Variants in MGAT4C observed in about 807,000 individuals in gnomAD.
MGAT4C encodes MGAT4 family member C, also known as alpha-1,3-mannosyl-glycoprotein 4-beta-N-acetylglucosaminyltransferase C.
Under a neutral mutation model 40.1 loss-of-function variants are expected in MGAT4C, and 19 were observed. That is an observed-to-expected ratio of 0.47 (90% CI 0.33 to 0.70). The LOEUF is 0.70. Ranked by LOEUF, MGAT4C falls within the 30% of genes least tolerant of loss-of-function variation. The pLI, the probability that MGAT4C is intolerant of heterozygous loss-of-function variation, is 0.02. For synonymous variants in MGAT4C, 181 were observed against 187.1 expected, an observed-to-expected ratio of 0.97 and a Z score of 0.27; for missense variants, 491 against 563.2, an observed-to-expected ratio of 0.87 and a Z score of 1.30.
intron 1 of MGAT4C, among the ~76,000 whole-genome samples, chr12:86,178,398 C>G (rs1318077011): frequency 6.6e-6 from 1 of 152,134 alleles, no homozygotes; most frequent in East Asian, 1.9e-4. Context: ...TGTTCCTTGA[C>G]CGAGGGCATG....
intron 4 of MGAT4C, among the ~76,000 whole-genome samples, chr12:86,283,758 T>C (rs766356836): frequency 6.6e-6 from 1 of 152,096 alleles, no homozygotes; most frequent in Non-Finnish European, 1.5e-5. Context: ...AAATGACACC[T>C]GGCTACATCT....
chr12:86,834,975 T>G (rs879452432), intron 1 of MGAT4C, among the ~76,000 whole-genome samples: 4 of 151,984 alleles, frequency 2.6e-5, no homozygotes, highest in Non-Finnish European at 5.9e-5. Flanking sequence ...GGCTCCCTTT[T>G]GTACACAGAT....
At chr12:86,267,700 C>T (rs147168046) in intron 4 of MGAT4C, among the ~76,000 whole-genome samples, 4 of 152,118 alleles carry the variant, frequency 2.6e-5, no homozygotes, top group African/African-American at 9.6e-5. Context: ...TCAGTACAAG[C>T]TAGTAAGTAG....
intron 3 of MGAT4C, among the ~76,000 whole-genome samples, chr12:86,422,301 G>A (rs894366924): frequency 6.6e-6 from 1 of 152,136 alleles, no homozygotes; most frequent in African/African-American, 2.4e-5. Context: ...TATAGCCGCT[G>A]TTCAAAACCT....
intron 3 of MGAT4C, among the ~76,000 whole-genome samples, chr12:86,336,793 AT>A (rs1251428050): frequency 6.6e-6 from 1 of 152,156 alleles, no homozygotes; most frequent in East Asian, 1.9e-4. Flanking sequence ...GTGTCAGGAA[AT>A]GAGGCTAAAA....
intron 3 of MGAT4C, among the ~76,000 whole-genome samples, chr12:86,400,155 C>T (rs899325414): frequency 5.3e-5 from 8 of 152,174 alleles, no homozygotes; most frequent in Non-Finnish European, 8.8e-5. Context: ...TAGGTGAGGG[C>T]GAAACTCCCC....
intron 1 of MGAT4C, among the ~76,000 whole-genome samples, chr12:86,140,900 T>G (rs1358204433): frequency 6.6e-6 from 1 of 152,210 alleles, no homozygotes; most frequent in African/African-American, 2.4e-5. Context: ...CATAGTTATG[T>G]TATTGTTTTA....
At chr12:86,213,517 T>C (rs544524864) in intron 1 of MGAT4C, among the ~76,000 whole-genome samples, 1 of 152,316 alleles carries the variant, frequency 6.6e-6, no homozygotes, top group South Asian at 2.1e-4. Flanking sequence ...TCATATTTAT[T>C]CACTAATATA....
At chr12:86,826,381 G>C (rs960005029) in intron 1 of MGAT4C, among the ~76,000 whole-genome samples, 1 of 151,336 alleles carries the variant, frequency 6.6e-6, no homozygotes, top group Non-Finnish European at 1.5e-5. Context: ...ATAAAAACTG[G>C]CTGCAATTGA....
chr12:86,826,736 A>T (rs1431542596), intron 1 of MGAT4C, among the ~76,000 whole-genome samples: 1 of 151,334 alleles, frequency 6.6e-6, no homozygotes, highest in Non-Finnish European at 1.5e-5. Flanking sequence ...CCAATATGTT[A>T]TAGCACTCTT....
At chr12:86,086,083 A>G (rs1871769938) in intron 1 of MGAT4C, among the ~76,000 whole-genome samples, 1 of 152,108 alleles carries the variant, frequency 6.6e-6, no homozygotes, top group Admixed American at 6.6e-5. Flanking sequence ...ATAAAGACGC[A>G]TGTACAAGTA....
intron 4 of MGAT4C, among the ~76,000 whole-genome samples, chr12:86,277,438 C>T (rs1262634426): frequency 6.6e-6 from 1 of 152,118 alleles, no homozygotes; most frequent in Non-Finnish European, 1.5e-5. Flanking sequence ...ATTGCCTGTG[C>T]TTGTGGGGCA....
intron 2 of MGAT4C, among the ~76,000 whole-genome samples, chr12:86,723,120 A>T (rs956111083): frequency 4.6e-5 from 7 of 152,216 alleles, no homozygotes; most frequent in Non-Finnish European, 8.8e-5. Flanking sequence ...CAATTGACTA[A>T]CAACATTGTC....
intron 2 of MGAT4C, among the ~76,000 whole-genome samples, chr12:86,511,480 G>A (rs375537577): frequency 1.4e-4 from 22 of 151,972 alleles, no homozygotes; most frequent in African/African-American, 4.3e-4. Flanking sequence ...TCCAGTGTTC[G>A]TATATAAAAA....
chr12:86,744,392 T>G (rs1951119503), intron 1 of MGAT4C, among the ~76,000 whole-genome samples: 1 of 151,572 alleles, frequency 6.6e-6, no homozygotes. Flanking sequence ...AAACCTAGAA[T>G]GGTAAACAGA....
At chr12:86,606,603 G>C (rs925092524) in intron 2 of MGAT4C, among the ~76,000 whole-genome samples, 1 of 152,100 alleles carries the variant, frequency 6.6e-6, no homozygotes, top group Non-Finnish European at 1.5e-5. Flanking sequence ...CATAGCCCTA[G>C]TTCCTGTTAA....
chr12:86,668,209 C>T (rs763262874), intron 2 of MGAT4C, among the ~76,000 whole-genome samples: 2 of 152,244 alleles, frequency 1.3e-5, no homozygotes, highest in African/African-American at 2.4e-5. Flanking sequence ...CAAGATAGCA[C>T]ATAAAGATCA....
At chr12:86,620,989 G>A (rs1436821925) in intron 2 of MGAT4C, among the ~76,000 whole-genome samples, 1 of 152,054 alleles carries the variant, frequency 6.6e-6, no homozygotes, top group Non-Finnish European at 1.5e-5. Flanking sequence ...ATTAAATATA[G>A]CTTCTTTATA....
intron 4 of MGAT4C, among the ~76,000 whole-genome samples, chr12:86,275,495 G>C (rs1333107469): frequency 1.3e-5 from 2 of 152,270 alleles, no homozygotes; most frequent in Admixed American, 1.3e-4. Flanking sequence ...TTAATCCCCG[G>C]AACCTGGGAA....
Sources: gnomAD v4.1 joint callset for allele counts (sites outside exome capture counted in the v4.1 genomes callset) on GRCh38, gnomAD v4.1.1 for gene constraint, MANE v1.5 for transcripts, NCBI Gene and HGNC (gene_info 2026-07-23, HGNC 2026-07-21) for gene names.